The following FRMPD4 variants were observed in gnomAD, a reference collection of about 807,000 sequenced individuals.
FRMPD4 encodes the protein FERM and PDZ domain containing 4.
A neutral mutation model predicts 94.1 loss-of-function variants in FRMPD4; 22 were observed. That is an observed-to-expected ratio of 0.23 (90% CI 0.17 to 0.33). The LOEUF (loss-of-function observed/expected upper bound fraction) is 0.33, where lower values mean the gene tolerates loss of function less well. Among genes scored for constraint, FRMPD4 ranks in the 10% least tolerant of loss-of-function variants. The probability of loss-of-function intolerance (pLI) is 1.00; values close to 1 mark genes in which losing one functional copy is unlikely to be tolerated. For synonymous variants in FRMPD4, 631 were observed against 548.6 expected (o/e 1.15, Z -2.10); for missense variants, 1,111 against 1,339.9 (o/e 0.83, Z 2.67).
intron 1 of FRMPD4, among the ~76,000 whole-genome samples, chrX:12,450,111 A>G (rs1448279061): frequency 9.0e-6 from 1 of 111,441 alleles, no homozygotes; most frequent in Admixed American, 9.5e-5. Flanking sequence ...TGTATTATTT[A>G]AAAGCCAAAG....
chrX:12,444,394 C>G (rs947031172), intron 1 of FRMPD4, among the ~76,000 whole-genome samples: 1 of 109,999 alleles, frequency 9.1e-6, no homozygotes, highest in South Asian at 3.8e-4. Flanking sequence ...TAAAGAACAG[C>G]TGTCAAGACA....
chrX:12,350,228 T>G (rs2055780695), intron 1 of FRMPD4, among the ~76,000 whole-genome samples: 1 of 111,918 alleles, frequency 8.9e-6, no homozygotes, highest in Admixed American at 9.4e-5. Flanking sequence ...GGAGAAATAT[T>G]TTCCTTTTGT....
upstream of FRMPD4, among the ~76,000 whole-genome samples, chrX:12,133,933 C>T: frequency 8.9e-6 from 1 of 112,477 alleles, no homozygotes; most frequent in Non-Finnish European, 1.9e-5. Flanking sequence ...TACTGTGCCC[C>T]ATGTGATCTC....
chrX:12,053,398 GAAAGAA>G (rs2054833172), intron 3 of FRMPD4, among the ~76,000 whole-genome samples: 1 of 88,907 alleles, frequency 1.1e-5, no homozygotes, highest in East Asian at 3.6e-4. Flanking sequence ...AAGAAAGAAA[GAAAGAA>G]AGAAAGAAAG....
At chrX:12,551,744 C>T (rs988826865) in intron 2 of FRMPD4, among the ~76,000 whole-genome samples, 1 of 110,653 alleles carries the variant, frequency 9.0e-6, no homozygotes, top group Non-Finnish European at 1.9e-5. Flanking sequence ...ATTTTTCTTT[C>T]TGAGGGGAGA....
intron 3 of FRMPD4, among the ~76,000 whole-genome samples, chrX:11,974,017 G>C (rs912694530): frequency 2.7e-5 from 3 of 111,953 alleles, no homozygotes; most frequent in Non-Finnish European, 5.6e-5. Context: ...TTGACCTAGC[G>C]ATCTGGAGTG....
chrX:12,499,657 G>A (rs767560279), intron 2 of FRMPD4, among the ~76,000 whole-genome samples: 6 of 112,390 alleles, frequency 5.3e-5, no homozygotes, highest in Non-Finnish European at 7.5e-5. Flanking sequence ...TTCACTTAGC[G>A]TAACGTTTTC....
intron 1 of FRMPD4, among the ~76,000 whole-genome samples, chrX:12,234,343 G>C (rs1410688990): frequency 1.8e-5 from 2 of 111,986 alleles, no homozygotes; most frequent in Non-Finnish European, 3.8e-5. Context: ...GAAGGGAGTG[G>C]GAGCACTGTG....
chrX:12,316,188 C>T (rs2055111972), intron 1 of FRMPD4, among the ~76,000 whole-genome samples: 1 of 111,411 alleles, frequency 9.0e-6, no homozygotes, highest in African/African-American at 3.3e-5. Flanking sequence ...GTTCTGTTGC[C>T]CAGGCTGGAG....
chrX:12,226,515 G>A (rs72612876), intron 1 of FRMPD4, among the ~76,000 whole-genome samples: 43,356 of 110,442 alleles, frequency 0.39, 6,346 homozygotes, highest in East Asian at 0.47. Context: ...TGACGGGTCC[G>A]AGGTTTTTTT....
At chrX:12,389,563 T>C (rs959268674) in intron 1 of FRMPD4, among the ~76,000 whole-genome samples, 11 of 111,387 alleles carry the variant, frequency 9.9e-5, no homozygotes, top group African/African-American at 3.6e-4. Flanking sequence ...GTAATGGATA[T>C]GTTAATTAGC....
intron 3 of FRMPD4, among the ~76,000 whole-genome samples, chrX:12,119,893 A>G (rs180722492): frequency 1.8e-5 from 2 of 112,642 alleles, no homozygotes; most frequent in East Asian, 5.5e-4. Flanking sequence ...TATAAACTAG[A>G]GAACTTCATT....
intron 4 of FRMPD4, among the ~76,000 whole-genome samples, chrX:12,634,129 A>G (rs1291213556): frequency 1.2e-4 from 14 of 112,487 alleles, no homozygotes; most frequent in Admixed American, 1.2e-3. Flanking sequence ...TTTCTTACCA[A>G]TTCTGGGTCA....
At chrX:12,120,603 A>C (rs1293043145) in intron 3 of FRMPD4, among the ~76,000 whole-genome samples, 1 of 112,007 alleles carries the variant, frequency 8.9e-6, no homozygotes, top group Non-Finnish European at 1.9e-5. Context: ...ACAGTGGACT[A>C]AGTAGACATT....
chrX:12,528,652 T>G (rs2058253208), intron 2 of FRMPD4, among the ~76,000 whole-genome samples: 2 of 111,649 alleles, frequency 1.8e-5, no homozygotes, highest in African/African-American at 6.5e-5. Context: ...TCTGATGCAG[T>G]TGCAAAGCCT....
At chrX:12,627,815 G>A (rs868730649) in intron 4 of FRMPD4, among the ~76,000 whole-genome samples, 1 of 111,834 alleles carries the variant, frequency 8.9e-6, no homozygotes, top group Admixed American at 9.5e-5. Context: ...TGTTTTCAAT[G>A]ATCTCATATG....
chrX:12,690,053 G>A, intron 7 of FRMPD4, 142 bp from the exon 8 acceptor site: 1 of 438,421 alleles, frequency 2.3e-6, no homozygotes, highest in Middle Eastern at 4.1e-4. Flanking sequence ...TTGGATATTT[G>A]GAGCATTAAA....
At chrX:11,959,779 C>A (rs759370671) in intron 3 of FRMPD4, among the ~76,000 whole-genome samples, 1 of 111,552 alleles carries the variant, frequency 9.0e-6, no homozygotes, top group East Asian at 2.8e-4. Context: ...GTCAGCTTCT[C>A]AGGTTTCTCT....
chrX:12,129,995 C>T (rs974714378), intron 3 of FRMPD4, among the ~76,000 whole-genome samples: 1 of 110,803 alleles, frequency 9.0e-6, no homozygotes, highest in Non-Finnish European at 1.9e-5. Context: ...TTATGCCATC[C>T]TCCCACAACT....
Sources: gnomAD v4.1 joint callset for allele counts (sites outside exome capture counted in the v4.1 genomes callset) on GRCh38, gnomAD v4.1.1 for gene constraint, MANE v1.5 for transcripts, NCBI Gene and HGNC (gene_info 2026-07-23, HGNC 2026-07-21) for gene names.